PCDHGB6: variants seen among roughly 807,000 people sequenced by gnomAD.
PCDHGB6 encodes the protein protocadherin gamma subfamily B, 6, also known as protocadherin gamma-B6.
A neutral mutation model predicts 59.1 loss-of-function variants in PCDHGB6; 51 were observed. That is an observed-to-expected ratio of 0.86 (90% CI 0.69 to 1.09). The LOEUF is 1.09. Ranked by LOEUF, PCDHGB6 falls within the 50% of genes least tolerant of loss-of-function variation. The pLI, the probability that PCDHGB6 is intolerant of heterozygous loss-of-function variation, is 0.00. For synonymous variants in PCDHGB6, 466 were observed against 495.1 expected, an observed-to-expected ratio of 0.94 and a Z score of 0.78; for missense variants, 1,148 against 1,205.1, an observed-to-expected ratio of 0.95 and a Z score of 0.70.
chr5:141,475,768 G>A (rs756539564), intron 1 of PCDHGB6, among the ~76,000 whole-genome samples: 5 of 152,280 alleles, frequency 3.3e-5, no homozygotes, highest in South Asian at 2.1e-4. Flanking sequence ...TACTGGCAAG[G>A]CGCTTTGGCT....
chr5:141,420,022 T>A, intron 1 of PCDHGB6: 3 of 1,614,104 alleles, frequency 1.9e-6, no homozygotes, highest in Middle Eastern at 3.3e-4. Flanking sequence ...CTTTCAGCCC[T>A]ACTGCAGGAG....
Position 141,486,824 on chromosome 5 carries a change from G to A in PCDHGB6, c.2419-7983G>A, listed in dbSNP as rs749609525. On this transcript the variant is annotated intron_variant, in intron 1 of 3. Coordinates refer to ENST00000520790, the MANE Select transcript of PCDHGB6 (RefSeq NM_018926.3). The surrounding 1 kb of genome is among the most constrained non-coding windows in gnomAD (Gnocchi z 5.0). ...CCCACCCCTTAGCAGCACTGTAACA[G>A]TTCGTCTATTTGTGCTGGACCTCAA... is the stretch of plus-strand genomic sequence containing the variant. 1 of 1,614,218 alleles carries A rather than the reference G, an allele frequency of 6.2e-7. No homozygotes were observed. Among genetic ancestry groups the A allele is most frequent in the Non-Finnish European group, 8.5e-7 (1 of 1,180,028 alleles).
chr5:141,424,084 A>G, intron 1 of PCDHGB6: 1 of 929,764 alleles, frequency 1.1e-6, no homozygotes, highest in Non-Finnish European at 1.3e-6. Context: ...ATATTCCACC[A>G]TTATTTGCTA....
chr5:141,422,750 T>C (rs778578440), intron 1 of PCDHGB6: 4 of 1,611,900 alleles, frequency 2.5e-6, no homozygotes, highest in Non-Finnish European at 3.4e-6. Flanking sequence ...TATGTCTCTA[T>C]TAACTCCAAC....
intron 1 of PCDHGB6, among the ~76,000 whole-genome samples, chr5:141,443,479 C>G (rs1285767691): frequency 6.6e-6 from 1 of 152,144 alleles, no homozygotes; most frequent in African/African-American, 2.4e-5. Context: ...GAATTAGACC[C>G]TGTCCCAAAA....
chr5:141,467,284 C>T (rs2099140788), intron 1 of PCDHGB6, among the ~76,000 whole-genome samples: 1 of 152,080 alleles, frequency 6.6e-6, no homozygotes, highest in Non-Finnish European at 1.5e-5. Context: ...AACTCTTGAC[C>T]TCAAGTGATC....
At chr5:141,438,631 TATATACACAC>T (rs1330021858) in intron 1 of PCDHGB6, among the ~76,000 whole-genome samples, 2,835 of 42,824 alleles carry the variant, frequency 0.066, 23 homozygotes, top group African/African-American at 0.13. Flanking sequence ...TATATATATA[TATATACACAC>T]ACACACACAC....
intron 1 of PCDHGB6, among the ~76,000 whole-genome samples, chr5:141,446,664 G>A (rs116573282): frequency 0.012 from 1,821 of 152,192 alleles, 38 homozygotes; most frequent in African/African-American, 0.042. Context: ...TTTAGTACAA[G>A]ACAGCATTTC....
chr5:141,446,253 A>T (rs1452074783), intron 1 of PCDHGB6, among the ~76,000 whole-genome samples: 3 of 152,164 alleles, frequency 2.0e-5, no homozygotes, highest in African/African-American at 7.2e-5. Context: ...CTTCAGTGAA[A>T]TATTATTAAC....
rs377295503 is a variant in PCDHGB6 at position 141,409,990 on chromosome 5, C to A, written c.1788C>A (p.Ala596=). ...YLVTKVVAVD[A]DSGHNAWLSY... ...TGACTAAGGTGGTAGCGGTGGACGC[C>A]GACTCGGGACACAACGCCTGGCTGT... Residue 596 remains alanine (A), a synonymous_variant, in exon 1 of 4, where the codon GCC becomes GCA. Coordinates refer to ENST00000520790, the MANE Select transcript of PCDHGB6 (RefSeq NM_018926.3). The A allele has an allele frequency of 1.6e-5, 26 of 1,613,278 alleles. No homozygotes were observed. The highest frequency in any genetic ancestry group is 2.2e-5 in the Non-Finnish European group (26 of 1,179,828).
rs539892249 is a variant in PCDHGB6 at position 141,500,355 on chromosome 5, C to T, written c.2478-5038C>T. ...TCCAGAATAGCTGGGACTACAGGCG[C>T]CCACTACCACGCCCGGCTAATTATT... On this transcript the variant is annotated intron_variant, in intron 2 of 3. Coordinates refer to ENST00000520790, the MANE Select transcript of PCDHGB6 (RefSeq NM_018926.3). Among the ~76,000 whole-genome samples, 274 of 152,030 alleles carry T rather than the reference C, an allele frequency of 1.8e-3. 2 individuals are homozygous for T. The highest frequency in any genetic ancestry group is 6.3e-3 in the African/African-American group (263 of 41,478).
chr5:141,472,339 A>T (rs1330302365), intron 1 of PCDHGB6, among the ~76,000 whole-genome samples: 1 of 151,906 alleles, frequency 6.6e-6, no homozygotes, highest in Non-Finnish European at 1.5e-5. Flanking sequence ...TGGGAGATCG[A>T]GACCATCCTG....
chr5:141,452,015 C>T (rs2098730990), intron 1 of PCDHGB6, among the ~76,000 whole-genome samples: 1 of 152,306 alleles, frequency 6.6e-6, no homozygotes, highest in African/African-American at 2.4e-5. Context: ...GTCCAGCCCA[C>T]ACTCTGGGGA....
In PCDHGB6 at chr5:141,493,482, G is replaced by T. The variant is rs184736387; in HGVS notation, c.2419-1325G>T. The stretch of plus-strand genomic sequence containing the variant: ...TTTTAGGACCTTACATGTGGGGAAA[G>T]TCTTCTGTGGCTCCTCATTTCTGAG... On this transcript the variant is annotated intron_variant, in intron 1 of 3. Coordinates refer to ENST00000520790, the MANE Select transcript of PCDHGB6 (RefSeq NM_018926.3). The surrounding 1 kb of genome is among the most constrained non-coding windows in gnomAD (Gnocchi z 4.3). 6.6e-6 allele frequency among the ~76,000 whole-genome samples: 1 copy of T among 152,206 alleles called. No individual in the cohort carries two copies. Among genetic ancestry groups the T allele is most frequent in the Admixed American group, 6.5e-5 (1 of 15,282 alleles).
intron 1 of PCDHGB6, among the ~76,000 whole-genome samples, chr5:141,465,091 G>A (rs1689517062): frequency 6.7e-6 from 1 of 149,016 alleles, no homozygotes; most frequent in Non-Finnish European, 1.5e-5. Context: ...CATTTTTCTA[G>A]TAGTTTTTTT....
rs1439461935 is a variant in PCDHGB6 at position 141,511,976 on chromosome 5, G to A, written c.*803G>A. ...ATAAGGAAGGGAAGTGTGTGGATGT[G>A]GATGGTGGGGGCATGGACAAAGCTT... is the stretch of plus-strand genomic sequence containing the variant. On this transcript the variant is annotated 3_prime_UTR_variant, in exon 4 of 4. Coordinates refer to ENST00000520790, the MANE Select transcript of PCDHGB6 (RefSeq NM_018926.3). 6.5e-6 allele frequency: 1 copy of A among 153,384 alleles called. No homozygotes were observed. Among genetic ancestry groups the A allele is most frequent in the Non-Finnish European group, 1.5e-5 (1 of 68,664 alleles). 9.5% of individuals were successfully genotyped at this position (153,384 alleles called of 1,614,324 possible).
chr5:141,456,748 A>C (rs1448893002), intron 1 of PCDHGB6, among the ~76,000 whole-genome samples: 1 of 151,852 alleles, frequency 6.6e-6, no homozygotes, highest in Non-Finnish European at 1.5e-5. Context: ...GAGCATCATG[A>C]GGTCAGGAGT....
intron 1 of PCDHGB6, among the ~76,000 whole-genome samples, chr5:141,464,935 T>A (rs1157718693): frequency 6.6e-6 from 1 of 151,882 alleles, no homozygotes; most frequent in African/African-American, 2.4e-5. Flanking sequence ...AGATGTGAGG[T>A]CTCACTATGT....
At chr5:141,449,369 G>A (rs561017816) in intron 1 of PCDHGB6, among the ~76,000 whole-genome samples, 4 of 152,068 alleles carry the variant, frequency 2.6e-5, no homozygotes, top group South Asian at 4.2e-4. Flanking sequence ...CACTTTGGGA[G>A]GCTGAGGCAG....
Sources: gnomAD v4.1 joint callset for allele counts (sites outside exome capture counted in the v4.1 genomes callset) on GRCh38, gnomAD v4.1.1 for gene constraint, Gnocchi (gnomAD v3.1) non-coding constraint, MANE v1.5 for transcripts, NCBI Gene and HGNC (gene_info 2026-07-23, HGNC 2026-07-21) for gene names.